The following FAHD1 variants were observed in gnomAD, a reference collection of about 807,000 sequenced individuals.
FAHD1 encodes FAH domain containing oxaloacetate decarboxylase 1.
FAHD1 carries 14 observed loss-of-function variants against 12.7 expected under a neutral mutation model. The ratio of observed to expected loss-of-function variants is 1.10; its 90% CI spans 0.73 to 1.72. The LOEUF (loss-of-function observed/expected upper bound fraction) is 1.72. FAHD1 is among the 40% of genes most tolerant of loss of function. FAHD1 has a pLI of 0.00. For synonymous variants in FAHD1, 153 were observed against 124.9 expected (o/e 1.22, Z -1.50); for missense variants, 351 against 298.9 (o/e 1.17, Z -1.29).
At chr16:1,839,001 C>T (rs55801530) in intron 2 of FAHD1, among the ~76,000 whole-genome samples, 27,019 of 152,070 alleles carry the variant, frequency 0.18, 2,541 homozygotes, top group South Asian at 0.27. Flanking sequence ...CCTAAAACAT[C>T]ATGTTTATTT....
At chr16:1,839,681 C>T (rs1316264805) in exon 3 of FAHD1, 2 of 431,234 alleles carry the variant, frequency 4.6e-6, no homozygotes, top group Non-Finnish European at 8.3e-6. Context: ...TTCCCTCCCT[C>T]TGCCAAGCCC....
downstream of FAHD1, among the ~76,000 whole-genome samples, chr16:1,831,248 G>A (rs138629509): frequency 1.5e-4 from 23 of 152,266 alleles, no homozygotes; most frequent in East Asian, 1.2e-3. Context: ...TTTAATGGCT[G>A]TATCTCAGAT....
At chr16:1,838,923 C>T (rs957586702) in intron 2 of FAHD1, among the ~76,000 whole-genome samples, 9 of 152,168 alleles carry the variant, frequency 5.9e-5, no homozygotes, top group Admixed American at 5.2e-4. Flanking sequence ...AACTCCTGAC[C>T]TCAAGTGATC....
chr16:1,835,160 G>A (rs1022919227), intron 1 of FAHD1, among the ~76,000 whole-genome samples: 11 of 152,108 alleles, frequency 7.2e-5, no homozygotes, highest in South Asian at 6.2e-4. Flanking sequence ...TGGCTGAGGC[G>A]GGAGGATCAC....
At chr16:1,830,058 T>C (rs1898594143), downstream of FAHD1, among the ~76,000 whole-genome samples, 1 of 152,232 alleles carries the variant, frequency 6.6e-6, no homozygotes, top group South Asian at 2.1e-4. Flanking sequence ...AGACAGGGTT[T>C]CACCATGTTG....
chr16:1,829,933 G>T (rs1254915525), downstream of FAHD1, among the ~76,000 whole-genome samples: 1 of 150,650 alleles, frequency 6.6e-6, no homozygotes, highest in Non-Finnish European at 1.5e-5. Context: ...GCACAATCTC[G>T]GCTCACTGCA....
exon 1 of FAHD1, chr16:1,828,548 A>G: frequency 2.0e-6 from 2 of 1,000,308 alleles, no homozygotes; most frequent in Non-Finnish European, 2.4e-6. Flanking sequence ...GAGAAAACTG[A>G]AAGTTATGTT....
chr16:1,828,541 A>G, exon 1 of FAHD1: 1 of 1,000,296 alleles, frequency 1.0e-6, no homozygotes, highest in Non-Finnish European at 1.2e-6. Flanking sequence ...AACTGCAGAG[A>G]AAACTGAAAG....
chr16:1,837,681 A>C (rs1898786487), intron 1 of FAHD1: 1 of 612,150 alleles, frequency 1.6e-6, no homozygotes, highest in African/African-American at 1.9e-5. Context: ...GGAACTGGGC[A>C]TTAGAAATAA....
At chr16:1,832,744 A>G (rs551993573), downstream of FAHD1, among the ~76,000 whole-genome samples, 19 of 149,974 alleles carry the variant, frequency 1.3e-4, no homozygotes, top group African/African-American at 4.4e-4. Flanking sequence ...GCCAGCACCA[A>G]CCACGACACC....
At chr16:1,832,973 T>C (rs78965917), downstream of FAHD1, among the ~76,000 whole-genome samples, 3,255 of 151,160 alleles carry the variant, frequency 0.022, 93 homozygotes, top group African/African-American at 0.052. Flanking sequence ...TGACTGACGA[T>C]GGTTTATCTC....
At chr16:1,834,363 C>A in intron 1 of FAHD1, 3 of 1,561,606 alleles carry the variant, frequency 1.9e-6, no homozygotes, top group Non-Finnish European at 2.6e-6. Context: ...TGTGATAGAA[C>A]GAACTGCGAG....
At chr16:1,838,982 G>C (rs1303630278) in intron 2 of FAHD1, among the ~76,000 whole-genome samples, 7 of 152,160 alleles carry the variant, frequency 4.6e-5, no homozygotes, top group Non-Finnish European at 1.0e-4. Flanking sequence ...GTGAGCCACG[G>C]TGCCCAGCCC....
downstream of FAHD1, among the ~76,000 whole-genome samples, chr16:1,831,088 C>A (rs1898614303): frequency 6.6e-6 from 1 of 152,134 alleles, no homozygotes; most frequent in Non-Finnish European, 1.5e-5. Context: ...GTGTATTAGT[C>A]TGTACAGAAT....
At chr16:1,835,347 G>T (rs1898714864) in intron 1 of FAHD1, among the ~76,000 whole-genome samples, 1 of 151,958 alleles carries the variant, frequency 6.6e-6, no homozygotes, top group African/African-American at 2.4e-5. Context: ...GCTGTAGCAG[G>T]GACTCAATCT....
chr16:1,834,156 A>G (rs972373134), intron 1 of FAHD1: 1 of 687,542 alleles, frequency 1.5e-6, no homozygotes, highest in Admixed American at 2.7e-5. Context: ...CACCACATGT[A>G]AACAAAATGC....
At chr16:1,828,995 G>C (rs555264076), downstream of FAHD1, 88 of 878,002 alleles carry the variant, frequency 1.0e-4, no homozygotes, top group South Asian at 4.1e-3. Flanking sequence ...CTTAGTCTTT[G>C]ACCTTTGGCC....
At chr16:1,832,349 T>C (rs1898637499), downstream of FAHD1, among the ~76,000 whole-genome samples, 2 of 150,782 alleles carry the variant, frequency 1.3e-5, no homozygotes, top group Non-Finnish European at 3.0e-5. Context: ...TTTTTTGTAT[T>C]TTTAGTAGAG....
chr16:1,838,724 C>T (rs997789018), intron 2 of FAHD1, among the ~76,000 whole-genome samples: 3 of 152,020 alleles, frequency 2.0e-5, no homozygotes, highest in Non-Finnish European at 4.4e-5. Context: ...ACAAGTCTTG[C>T]TCTATCACTC....
Sources: gnomAD v4.1 joint callset for allele counts (sites outside exome capture counted in the v4.1 genomes callset) on GRCh38, gnomAD v4.1.1 for gene constraint, MANE v1.5 for transcripts, NCBI Gene and HGNC (gene_info 2026-07-23, HGNC 2026-07-21) for gene names.